The following RNF34 variants were observed in gnomAD, a reference collection of about 807,000 sequenced individuals.
RNF34 encodes the protein ring finger protein 34.
RNF34 carries 12 observed loss-of-function variants against 37.9 expected under a neutral mutation model. The ratio of observed to expected loss-of-function variants is 0.32; its 90% CI spans 0.20 to 0.51. The LOEUF is 0.51. Ranked by LOEUF, RNF34 falls within the 20% of genes least tolerant of loss-of-function variation. The pLI, the probability that RNF34 is intolerant of heterozygous loss-of-function variation, is 0.97. For missense variants in RNF34, 362 were observed against 472.7 expected, an observed-to-expected ratio of 0.77 and a Z score of 2.17; for synonymous variants, 155 against 177.2, an observed-to-expected ratio of 0.87 and a Z score of 1.00.
At chr12:121,418,021 G>A in intron 3 of RNF34, 110 bp downstream of exon 3, 1 of 1,168,838 alleles carries the variant, frequency 8.6e-7, no homozygotes, top group Middle Eastern at 2.8e-4. Context: ...GTCATGTGCT[G>A]GAGTGAAGCT....
intron 1 of RNF34, among the ~76,000 whole-genome samples, chr12:121,401,640 G>A (rs1321121406): frequency 6.6e-6 from 1 of 152,034 alleles, no homozygotes; most frequent in Non-Finnish European, 1.5e-5. Flanking sequence ...ATAATGCCTC[G>A]AAGAATCAGT....
chr12:121,418,001 T>G lies in RNF34; in HGVS notation c.633+90T>G, dbSNP rs940875625. The G allele has an allele frequency of 4.4e-6, 6 of 1,352,548 alleles. No individual in the cohort carries two copies. In the African/African-American group the frequency reaches 8.8e-5, roughly 20 times the overall value. The allele number at this position is 1,352,548 out of a possible 1,614,324, so 83.8% of individuals were successfully genotyped here. ...GCCTTTAGTGCTTGATGACTTCTGA[T>G]AAACTTCAAGTCATGTGCTGGAGTG... On this transcript the variant is annotated intron_variant, in intron 3 of 5. Coordinates refer to ENST00000361234, the MANE Select transcript of RNF34 (RefSeq NM_025126.4).
intron 1 of RNF34, among the ~76,000 whole-genome samples, chr12:121,413,759 G>T (rs1346561389): frequency 6.6e-6 from 1 of 151,816 alleles, no homozygotes; most frequent in Non-Finnish European, 1.5e-5. Context: ...TGTATTTTTA[G>T]TAGAGACAGG....
chr12:121,408,521 C>A (rs1329963055), intron 1 of RNF34, among the ~76,000 whole-genome samples: 3 of 152,118 alleles, frequency 2.0e-5, no homozygotes, highest in Non-Finnish European at 2.9e-5. Context: ...CAGTATAGGA[C>A]ACTTCAAGCA....
chr12:121,406,440 C>A (rs1870540963), intron 1 of RNF34, among the ~76,000 whole-genome samples: 2 of 151,918 alleles, frequency 1.3e-5, no homozygotes, highest in South Asian at 4.2e-4. Context: ...GCACTTGCCA[C>A]CACGCCTGAC....
At chr12:121,421,991 C>T (rs1255635851) in intron 5 of RNF34, among the ~76,000 whole-genome samples, 1 of 152,186 alleles carries the variant, frequency 6.6e-6, no homozygotes, top group East Asian at 1.9e-4. Context: ...GTGGTAGATG[C>T]AGGAATCTTC....
rs1593683013 is a variant in RNF34, at chr12:121,423,656, T to C, written c.*80T>C. The C allele has an allele frequency of 2.2e-5, 27 of 1,205,578 alleles. No individual in the cohort carries two copies. The highest frequency in any genetic ancestry group is 2.7e-5 in the Non-Finnish European group (23 of 846,518). The allele number at this position is 1,205,578 out of a possible 1,614,324, so 74.7% of individuals were successfully genotyped here. On this transcript the variant is annotated 3_prime_UTR_variant, in exon 6 of 6. Coordinates refer to ENST00000361234, the MANE Select transcript of RNF34 (RefSeq NM_025126.4). This position sits in a 1 kb window ranked among gnomAD's most constrained non-coding sequence, Gnocchi z 4.3. ...ATGCACAGAAGGGACTGGAAAGTTATGTTCAAAGGCTGAAGCTATTTTAAA... is the reference window on the plus strand; with the variant it reads ...ATGCACAGAAGGGACTGGAAAGTTACGTTCAAAGGCTGAAGCTATTTTAAA...
chr12:121,416,628 CTATTA>C (rs1231220670), intron 2 of RNF34: 9 of 345,420 alleles, frequency 2.6e-5, no homozygotes, highest in African/African-American at 4.3e-5. Flanking sequence ...ATTTTATTTT[CTATTA>C]TGTTTATTTC....
At chr12:121,415,297 C>T (rs764523507) in intron 1 of RNF34, 4 of 380,690 alleles carry the variant, frequency 1.1e-5, no homozygotes, top group Admixed American at 2.5e-5. Flanking sequence ...ATTACAAATG[C>T]GAAAACAGAG....
chr12:121,402,053 A>T (rs782447197), intron 1 of RNF34, among the ~76,000 whole-genome samples: 1 of 152,204 alleles, frequency 6.6e-6, no homozygotes, highest in Non-Finnish European at 1.5e-5. Flanking sequence ...CTGGGCAGAG[A>T]CTGATTCCTG....
intron 4 of RNF34, 75 bp downstream of exon 4, chr12:121,420,409 G>T (rs3751134): frequency 0.12 from 193,442 of 1,550,154 alleles, 16,667 homozygotes; most frequent in African/African-American, 0.42. Flanking sequence ...GTGGACATTC[G>T]CTAGATTAGT....
At chr12:121,404,047 ACT>A (rs1280232124) in intron 1 of RNF34, among the ~76,000 whole-genome samples, 2 of 148,260 alleles carry the variant, frequency 1.3e-5, no homozygotes, top group South Asian at 2.1e-4. Context: ...ATGGAATCTC[ACT>A]CTGTCGCCAG....
chr12:121,420,490 G>T (rs564509403), intron 4 of RNF34, 87 bp from the exon 5 acceptor site: 3 of 1,575,602 alleles, frequency 1.9e-6, no homozygotes, highest in South Asian at 2.2e-5. Flanking sequence ...GAGATGGCTG[G>T]GAGAATATTC....
At chr12:121,418,731 T>G (rs1222085397) in intron 3 of RNF34, 4 of 152,120 alleles carry the variant, frequency 2.6e-5, no homozygotes, top group Non-Finnish European at 5.9e-5. Context: ...GACTTTTTTT[T>G]TTGTTTGGAG....
At chr12:121,403,712 G>A (rs946021482) in intron 1 of RNF34, among the ~76,000 whole-genome samples, 1 of 152,152 alleles carries the variant, frequency 6.6e-6, no homozygotes, top group Non-Finnish European at 1.5e-5. Flanking sequence ...GTAGATTCAT[G>A]TAGCATCTGA....
Position 121,400,166 on chromosome 12 carries a change from G to A in RNF34, c.-47G>A, listed in dbSNP as rs1217809516. On this transcript the variant is annotated 5_prime_UTR_variant, in exon 1 of 6. The change creates a new upstream start codon in the 5' untranslated region. Transcript: ENST00000361234. ...GTCGGCAGTGTGAGGAGCTGCTATG[G>A]TGCTGAGTTTCCTGGTAGAGCCGGC... The A allele has an allele frequency of 1.2e-6, 2 of 1,603,200 alleles. No homozygotes were observed. The highest frequency in any genetic ancestry group is 1.3e-5 in the African/African-American group (1 of 74,868).
In RNF34 at chr12:121,417,962, C is replaced by T; in HGVS notation, c.633+51C>T. The T allele has an allele frequency of 6.4e-7, 1 of 1,566,530 alleles. No individual in the cohort carries two copies. The highest frequency in any genetic ancestry group is 8.7e-7 in the Non-Finnish European group (1 of 1,153,292). ...CAGGGCCCGGCACGCTTATTCTTGGCCGTATATGGTGGGGCCTTTAGTGCT... is the reference window on the plus strand; with the variant it reads ...CAGGGCCCGGCACGCTTATTCTTGGTCGTATATGGTGGGGCCTTTAGTGCT... On this transcript the variant is annotated intron_variant, in intron 3 of 5. Transcript: ENST00000361234. The surrounding 1 kb of genome is among the most constrained non-coding windows in gnomAD (Gnocchi z 5.0).
At chr12:121,406,045 G>A (rs1017426164) in intron 1 of RNF34, among the ~76,000 whole-genome samples, 20 of 151,886 alleles carry the variant, frequency 1.3e-4, no homozygotes, top group African/African-American at 3.9e-4. Context: ...TGCCTGCCTC[G>A]GCCTCCCAAA....
intron 1 of RNF34, among the ~76,000 whole-genome samples, chr12:121,404,076 A>G (rs1442097773): frequency 6.7e-6 from 1 of 149,998 alleles, no homozygotes; most frequent in Non-Finnish European, 1.5e-5. Context: ...GTGCAGTGGC[A>G]CGATCTCAGC....
Sources: gnomAD v4.1 joint callset for allele counts (sites outside exome capture counted in the v4.1 genomes callset) on GRCh38, gnomAD v4.1.1 for gene constraint, Gnocchi (gnomAD v3.1) non-coding constraint, MANE v1.5 for transcripts, NCBI Gene and HGNC (gene_info 2026-07-23, HGNC 2026-07-21) for gene names.